Variants in SH3BGR observed in about 807,000 individuals in gnomAD.
The protein encoded by SH3BGR is SH3 domain binding glutamate rich protein.
A neutral mutation model predicts 24.5 loss-of-function variants in SH3BGR; 29 were observed. The ratio of observed to expected loss-of-function variants is 1.18; its 90% CI spans 0.88 to 1.61. The LOEUF (loss-of-function observed/expected upper bound fraction) is 1.61, where lower values mean the gene tolerates loss of function less well. Among genes scored for constraint, SH3BGR ranks in the 40% most tolerant of loss-of-function variants. The pLI, the probability that SH3BGR is intolerant of heterozygous loss-of-function variation, is 0.00. For missense variants in SH3BGR, 162 were observed against 205.8 expected (o/e 0.79, Z 1.30); for synonymous variants, 55 against 65.7 (o/e 0.84, Z 0.79).
chr21:39,475,278 C>A, intron 3 of SH3BGR, 63 bp downstream of exon 3: 1 of 997,130 alleles, frequency 1.0e-6, no homozygotes, highest in Non-Finnish European at 1.6e-6. Context: ...GTAGAAATCA[C>A]CGCATCCAAG....
At chr21:39,459,444 C>T (rs2077718788) in intron 1 of SH3BGR, among the ~76,000 whole-genome samples, 1 of 152,124 alleles carries the variant, frequency 6.6e-6, no homozygotes, top group Admixed American at 6.5e-5. Flanking sequence ...AGGATAGTCT[C>T]GATCTCTTCA....
intron 4 of SH3BGR, among the ~76,000 whole-genome samples, chr21:39,502,820 C>G (rs1158542318): frequency 1.3e-5 from 2 of 152,258 alleles, no homozygotes; most frequent in Non-Finnish European, 1.5e-5. Context: ...GGCTGGCCTT[C>G]TGACCGCGGA....
intron 2 of SH3BGR, among the ~76,000 whole-genome samples, chr21:39,467,146 A>G (rs1298580329): frequency 6.6e-6 from 1 of 152,168 alleles, no homozygotes; most frequent in Non-Finnish European, 1.5e-5. Context: ...CACAAGATTA[A>G]TGTAGGTGTC....
chr21:39,462,689 C>T (rs1268118327), intron 2 of SH3BGR, 129 bp downstream of exon 2: 10 of 548,084 alleles, frequency 1.8e-5, no homozygotes, highest in Non-Finnish European at 3.1e-5. Flanking sequence ...TTCTGCCATC[C>T]AATAGCTGGA....
chr21:39,482,185 GAAGAGGAGC>G (rs2078140824), intron 3 of SH3BGR, among the ~76,000 whole-genome samples: 1 of 152,170 alleles, frequency 6.6e-6, no homozygotes, highest in Non-Finnish European at 1.5e-5. Context: ...AAACACAGAG[GAAGAGGAGC>G]AAGTTAAATA....
rs748185329 is a variant in SH3BGR at position 39,452,091 on chromosome 21, G to A, written c.-6G>A. ...GTTGGGGGGAGTCCTCTTTCCAACT[G>A]TCGAAATGGTTATCAAAGTGTTTGT... On this transcript the variant is annotated 5_prime_UTR_variant, in exon 1 of 7. Coordinates refer to ENST00000333634, the MANE Select transcript of SH3BGR (RefSeq NM_007341.3). 78 of 1,614,038 alleles carry A rather than the reference G, an allele frequency of 4.8e-5. No homozygotes were observed. Among genetic ancestry groups the A allele is most frequent in the Non-Finnish European group, 6.5e-5 (77 of 1,179,998 alleles).
At chr21:39,509,400 G>T (rs564030988) in intron 5 of SH3BGR, among the ~76,000 whole-genome samples, 2 of 151,742 alleles carry the variant, frequency 1.3e-5, no homozygotes, top group African/African-American at 4.8e-5. Flanking sequence ...GTGGTTAGTG[G>T]TGTTTTCATT....
intron 2 of SH3BGR, among the ~76,000 whole-genome samples, chr21:39,470,406 G>A (rs770997302): frequency 2.0e-4 from 30 of 151,958 alleles, no homozygotes; most frequent in Middle Eastern, 3.4e-3. Context: ...TTACAGGCAC[G>A]CACCACCATG....
intron 3 of SH3BGR, among the ~76,000 whole-genome samples, chr21:39,481,886 G>C (rs143363884): frequency 6.6e-6 from 1 of 152,168 alleles, no homozygotes. Context: ...AAAGGCATTA[G>C]GTGAATTTGT....
At chr21:39,488,756 G>A in intron 3 of SH3BGR, 1 of 442,160 alleles carries the variant, frequency 2.3e-6, no homozygotes, top group Non-Finnish European at 4.6e-6. Flanking sequence ...GACAGCAATG[G>A]TTGTCAACTC....
chr21:39,454,119 G>C (rs2077617628), intron 1 of SH3BGR, among the ~76,000 whole-genome samples: 1 of 152,182 alleles, frequency 6.6e-6, no homozygotes, highest in South Asian at 2.1e-4. Flanking sequence ...GTAAGAATGA[G>C]AATTGATTAT....
In SH3BGR at chr21:39,462,888, G is replaced by A. The variant is rs1415858038; in HGVS notation, c.231+328G>A. ...TCAGCCTTGCAGTGTGCACACACGTGTATCTGCAGAGGAACATGGTAAGTT... is the reference window on the plus strand; with the variant it reads ...TCAGCCTTGCAGTGTGCACACACGTATATCTGCAGAGGAACATGGTAAGTT... On this transcript the variant is annotated intron_variant, in intron 2 of 6. Coordinates refer to ENST00000333634, the MANE Select transcript of SH3BGR (RefSeq NM_007341.3). Among the ~76,000 whole-genome samples the A allele has an allele frequency of 3.3e-5, 5 of 152,212 alleles. 1 individual carries two copies. Among genetic ancestry groups the A allele is most frequent in the South Asian group, 4.1e-4 (2 of 4,826 alleles).
chr21:39,491,158 T>TTTTA (rs56979320), intron 3 of SH3BGR, among the ~76,000 whole-genome samples: 61,548 of 149,840 alleles, frequency 0.41, 15,466 homozygotes, highest in East Asian at 0.67. Flanking sequence ...TTGGCCTCCA[T>TTTTA]TTTATTTATT....
intron 3 of SH3BGR, among the ~76,000 whole-genome samples, chr21:39,493,200 T>C (rs1286189344): frequency 2.0e-5 from 3 of 152,214 alleles, no homozygotes. Flanking sequence ...CCTAAGTCAA[T>C]GTCTACAAGG....
rs781030228 is a variant in SH3BGR at position 39,499,858 on chromosome 21, G to A, written c.348G>A (p.Glu116=). Residue 116 remains glutamate, a synonymous_variant, in exon 4 of 7, where the codon GAG becomes GAA. Transcript: ENST00000333634. ...AGGCTGAAGAAGGTGGAGAAACTGAGGCACAAAAAGAGGGCAGTGAAGATG... is the reference window on the plus strand; with the variant it reads ...AGGCTGAAGAAGGTGGAGAAACTGAAGCACAAAAAGAGGGCAGTGAAGATG... ...SEKAEEGGET[E]AQKEGSEDVG... is the part of the protein sequence containing the mutation. The A allele has an allele frequency of 8.7e-6, 14 of 1,613,718 alleles. No individual in the cohort carries two copies. The African/African-American group carries it at 9.4e-5, about 11-fold the overall frequency.
At chr21:39,512,678 G>T (rs1159698396) in intron 6 of SH3BGR, among the ~76,000 whole-genome samples, 1 of 152,160 alleles carries the variant, frequency 6.6e-6, no homozygotes, top group African/African-American at 2.4e-5. Flanking sequence ...TGCGGTCCCA[G>T]CTACTTGGGA....
intron 5 of SH3BGR, among the ~76,000 whole-genome samples, chr21:39,509,471 G>GTTTTTTT (rs560071613): frequency 1.9e-5 from 2 of 103,962 alleles, no homozygotes; most frequent in Non-Finnish European, 1.9e-5. Context: ...CACTTTTATT[G>GTTTTTTT]TTTTTTTTTT....
chr21:39,456,335 C>T (rs1254253346), intron 1 of SH3BGR, among the ~76,000 whole-genome samples: 1 of 152,162 alleles, frequency 6.6e-6, no homozygotes, highest in Admixed American at 6.6e-5. Context: ...GAAGGCATCT[C>T]TACTCTTTGA....
At chr21:39,475,949 C>G (rs1284978238) in intron 3 of SH3BGR, among the ~76,000 whole-genome samples, 1 of 152,174 alleles carries the variant, frequency 6.6e-6, no homozygotes, top group African/African-American at 2.4e-5. Flanking sequence ...TTGAATGAGA[C>G]AGCTGAGTGA....
Sources: gnomAD v4.1 joint callset for allele counts (sites outside exome capture counted in the v4.1 genomes callset) on GRCh38, gnomAD v4.1.1 for gene constraint, MANE v1.5 for transcripts, NCBI Gene and HGNC (gene_info 2026-07-23, HGNC 2026-07-21) for gene names.